The following MGAT4C variants were observed in gnomAD, a reference collection of about 807,000 sequenced individuals.
MGAT4C encodes the protein alpha-1,3-mannosyl-glycoprotein 4-beta-N-acetylglucosaminyltransferase C.
Under a neutral mutation model 40.1 loss-of-function variants are expected in MGAT4C, and 19 were observed. The ratio of observed to expected loss-of-function variants is 0.47; its 90% CI spans 0.33 to 0.70. MGAT4C has a LOEUF of 0.70. MGAT4C is among the 30% of genes least tolerant of loss of function. The probability of loss-of-function intolerance (pLI) is 0.02; values close to 1 mark genes in which losing one functional copy is unlikely to be tolerated. For synonymous variants in MGAT4C, 181 were observed against 187.1 expected (o/e 0.97, Z 0.27); for missense variants, 491 against 563.2 (o/e 0.87, Z 1.30).
At chr12:86,727,166 A>G (rs1328013698) in intron 2 of MGAT4C, 1 of 152,180 alleles carries the variant, frequency 6.6e-6, no homozygotes, top group East Asian at 1.9e-4. Context: ...GTCTCAACAT[A>G]TAAAACTTGA....
rs1363517857 is a variant in MGAT4C at position 86,455,779 on chromosome 12, T to C, written c.-228-20514A>G. 2.0e-5 allele frequency among the ~76,000 whole-genome samples: 3 copies of C among 152,140 alleles called. No individual in the cohort carries two copies. The East Asian group carries it at 5.8e-4, about 29-fold the overall frequency. Reference sequence around the variant, plus strand: ...TTATTTTATAAGTGGTATTTTTCAATGTTTAGATTATTAATATCTAGTTTC... The same window carrying C: ...TTATTTTATAAGTGGTATTTTTCAACGTTTAGATTATTAATATCTAGTTTC... On this transcript the variant is annotated intron_variant, in intron 2 of 7. Transcript: ENST00000548651.
At chr12:86,119,238 T>C (rs953701572) in intron 1 of MGAT4C, among the ~76,000 whole-genome samples, 3 of 152,086 alleles carry the variant, frequency 2.0e-5, no homozygotes, top group Admixed American at 6.6e-5. Context: ...TATATAACAG[T>C]TGGAGATGTG....
chr12:86,511,490 A>G (rs1434466596), intron 2 of MGAT4C, among the ~76,000 whole-genome samples: 2 of 152,252 alleles, frequency 1.3e-5, no homozygotes, highest in East Asian at 1.9e-4. Context: ...GTATATAAAA[A>G]TGTAACTGAC....
intron 1 of MGAT4C, among the ~76,000 whole-genome samples, chr12:86,181,205 TC>T (rs995938690): frequency 2.0e-5 from 3 of 152,130 alleles, no homozygotes; most frequent in Non-Finnish European, 2.9e-5. Context: ...TTCTGAGGCC[TC>T]CCCAGCCATG....
At chr12:86,295,645 A>T (rs1295081094) in intron 4 of MGAT4C, among the ~76,000 whole-genome samples, 1 of 152,116 alleles carries the variant, frequency 6.6e-6, no homozygotes, top group East Asian at 1.9e-4. Context: ...GGCCCCACCC[A>T]CATCCTGCTG....
intron 2 of MGAT4C, among the ~76,000 whole-genome samples, chr12:86,665,650 C>T (rs370405889): frequency 3.9e-5 from 6 of 152,090 alleles, no homozygotes; most frequent in African/African-American, 1.4e-4. Flanking sequence ...GGATTACAGG[C>T]GTGAGCCACC....
At chr12:86,208,997 A>T (rs1439193223) in intron 1 of MGAT4C, among the ~76,000 whole-genome samples, 2 of 152,210 alleles carry the variant, frequency 1.3e-5, no homozygotes, top group East Asian at 3.9e-4. Context: ...GACTTTTTTG[A>T]TCTAAATATC....
In MGAT4C at chr12:85,962,708, T is replaced by G. The variant is rs1294814365; in HGVS notation, c.*16581A>C. ...TAATATATCAGTGCTATCAACTACATTTTACATAGGATGAAAAAAATCATT... is the reference window on the plus strand; with the variant it reads ...TAATATATCAGTGCTATCAACTACAGTTTACATAGGATGAAAAAAATCATT... On this transcript the variant is annotated 3_prime_UTR_variant, in exon 5 of 5. Transcript: ENST00000611864. The G allele has an allele frequency of 6.6e-6, 1 of 151,056 alleles. No individual in the cohort carries two copies. Among genetic ancestry groups the G allele is most frequent in the Non-Finnish European group, 1.5e-5 (1 of 67,482 alleles). The allele number at this position is 151,056 out of a possible 1,614,324, so 9.4% of individuals were successfully genotyped here. A position where few individuals can be genotyped will look rare whatever the true frequency, so the allele number is the denominator to read the frequency against.
chr12:86,370,835 C>T (rs781362672), intron 3 of MGAT4C, among the ~76,000 whole-genome samples: 3 of 152,004 alleles, frequency 2.0e-5, no homozygotes, highest in Non-Finnish European at 4.4e-5. Context: ...AAATACTAAG[C>T]TAAGCACTAG....
chr12:86,506,252 T>C (rs1473234506), intron 2 of MGAT4C, among the ~76,000 whole-genome samples: 2 of 152,196 alleles, frequency 1.3e-5, no homozygotes, highest in Non-Finnish European at 1.5e-5. Context: ...GAGTCTACTG[T>C]CAAGTGCTAT....
intron 1 of MGAT4C, among the ~76,000 whole-genome samples, chr12:86,765,824 T>C (rs1009897129): frequency 9.2e-5 from 14 of 152,080 alleles, no homozygotes; most frequent in African/African-American, 3.4e-4. Context: ...GCTGAGAGAT[T>C]TTTGTCACCA....
chr12:86,676,922 A>G (rs1565919243), intron 2 of MGAT4C, among the ~76,000 whole-genome samples: 1 of 152,142 alleles, frequency 6.6e-6, no homozygotes, highest in Non-Finnish European at 1.5e-5. Context: ...TTTAAAAGGT[A>G]GATGGAAAAA....
At chr12:86,292,064 A>G (rs1348330714) in intron 4 of MGAT4C, among the ~76,000 whole-genome samples, 1 of 152,160 alleles carries the variant, frequency 6.6e-6, no homozygotes, top group Non-Finnish European at 1.5e-5. Flanking sequence ...CCTTAAGATA[A>G]AGACAGAGAC....
At chr12:86,828,464 T>C (rs1952851995) in intron 1 of MGAT4C, among the ~76,000 whole-genome samples, 1 of 151,544 alleles carries the variant, frequency 6.6e-6, no homozygotes, top group Non-Finnish European at 1.5e-5. Flanking sequence ...TATTCTTAGC[T>C]TTTAAAAATG....
intron 1 of MGAT4C, among the ~76,000 whole-genome samples, chr12:86,158,200 C>T (rs1885186272): frequency 6.6e-6 from 1 of 152,064 alleles, no homozygotes; most frequent in South Asian, 2.1e-4. Context: ...TTCCAGAGCA[C>T]ATAGGGAGAC....
At chr12:86,418,195 A>T (rs541395148) in intron 3 of MGAT4C, among the ~76,000 whole-genome samples, 5 of 152,294 alleles carry the variant, frequency 3.3e-5, no homozygotes, top group Admixed American at 2.6e-4. Context: ...GCTGCTCATG[A>T]CTAACTGTAG....
At chr12:86,277,357 C>G (rs1233725013) in intron 4 of MGAT4C, among the ~76,000 whole-genome samples, 4 of 152,108 alleles carry the variant, frequency 2.6e-5, no homozygotes, top group Non-Finnish European at 5.9e-5. Flanking sequence ...CCTCACTTTG[C>G]TGATTATTTT....
At chr12:86,305,386 C>T (rs1953908199) in intron 4 of MGAT4C, among the ~76,000 whole-genome samples, 1 of 147,974 alleles carries the variant, frequency 6.8e-6, no homozygotes, top group African/African-American at 2.6e-5. Flanking sequence ...TTGTGGTGAG[C>T]TGAGATTGCA....
intron 1 of MGAT4C, among the ~76,000 whole-genome samples, chr12:86,755,448 G>A (rs1228340264): frequency 6.6e-6 from 1 of 152,116 alleles, no homozygotes; most frequent in Non-Finnish European, 1.5e-5. Context: ...GATTTACTAT[G>A]CAGAGGAATA....
Sources: allele counts gnomAD v4.1 joint callset (sites outside exome capture counted in the v4.1 genomes callset), GRCh38; gene constraint gnomAD v4.1.1; transcripts MANE v1.5; gene names NCBI Gene and HGNC (gene_info 2026-07-23, HGNC 2026-07-21).